The following NAV3 variants were observed in gnomAD, a reference collection of about 807,000 sequenced individuals.
NAV3 encodes the protein pore membrane and/or filament interacting like protein 1.
A neutral mutation model predicts 244.7 loss-of-function variants in NAV3; 87 were observed. That is an observed-to-expected ratio of 0.36 (90% CI 0.30 to 0.42). NAV3 has a LOEUF of 0.42. Among genes scored for constraint, NAV3 ranks in the 20% least tolerant of loss-of-function variants. The pLI, the probability that NAV3 is intolerant of heterozygous loss-of-function variation, is 1.00. For missense variants in NAV3, 2,663 were observed against 2,893.3 expected (o/e 0.92, Z 1.83); for synonymous variants, 1,126 against 1,042.2 (o/e 1.08, Z -1.55).
At position 78,128,941 on chromosome 12, in the gene NAV3, C is replaced by T; in HGVS notation, c.4441+75C>T. 2.2e-6 allele frequency: 3 copies of T among 1,354,100 alleles called. No individual in the cohort carries two copies. The South Asian group carries it at 4.0e-5, about 18-fold the overall frequency. 83.9% of individuals were successfully genotyped at this position (1,354,100 alleles called of 1,614,324 possible). A position where few individuals can be genotyped will look rare whatever the true frequency, so the allele number is the denominator to read the frequency against. ...TCTCACAGAAACCCTGGAATCTCTC[C>T]ATAACACAACACGTTTTCATTTAAA... On this transcript the variant is annotated intron_variant, in intron 18 of 39. Coordinates refer to ENST00000397909, the MANE Select transcript of NAV3 (RefSeq NM_001024383.2).
At chr12:77,963,890 C>T (rs1892266817) in intron 3 of NAV3, among the ~76,000 whole-genome samples, 1 of 21,922 alleles carries the variant, frequency 4.6e-5, no homozygotes, top group Non-Finnish European at 8.4e-5. Flanking sequence ...CTTCTCCTTC[C>T]TTCTCCTTCT....
At chr12:77,900,075 ATTTTTTT>A (rs201444499) in intron 1 of NAV3, among the ~76,000 whole-genome samples, 1 of 127,296 alleles carries the variant, frequency 7.9e-6, no homozygotes, top group African/African-American at 3.0e-5. Flanking sequence ...ATTGTTCTCA[ATTTTTTT>A]TTTTTTTTTT....
chr12:77,659,123 C>G (rs1420334961), intron 2 of NAV3, among the ~76,000 whole-genome samples: 1 of 151,686 alleles, frequency 6.6e-6, no homozygotes, highest in African/African-American at 2.4e-5. Flanking sequence ...TCTAATTAAA[C>G]TAAAGAGCTT....
At chr12:77,728,546 A>T (rs186557550) in intron 2 of NAV3, among the ~76,000 whole-genome samples, 55 of 152,084 alleles carry the variant, frequency 3.6e-4, no homozygotes, top group African/African-American at 1.3e-3. Flanking sequence ...AAAATGATAT[A>T]AAACACATCA....
At chr12:78,201,851 A>G (rs1959737111) in intron 38 of NAV3, among the ~76,000 whole-genome samples, 1 of 150,124 alleles carries the variant, frequency 6.7e-6, no homozygotes. Flanking sequence ...TTTGCTATCT[A>G]AAAAAATTGT....
At chr12:77,734,191 G>A (rs1023143464) in intron 2 of NAV3, among the ~76,000 whole-genome samples, 14 of 152,012 alleles carry the variant, frequency 9.2e-5, no homozygotes, top group South Asian at 2.1e-4. Context: ...GGTTGGTGCC[G>A]AAAATCTAGC....
At position 77,583,880 on chromosome 12, in the gene NAV3, G is replaced by C. The variant is rs1490531588; in HGVS notation, c.72+11614G>C. Among the ~76,000 whole-genome samples the C allele has an allele frequency of 3.9e-5, 6 of 152,122 alleles. No homozygotes were observed. In the East Asian group the frequency reaches 1.2e-3, roughly 29 times the overall value. ...TCTTTCTTCAATTCATTCTCTTCCAGACATATTGACAACCCATCTCTAAGT... is the reference window on the plus strand; with the variant it reads ...TCTTTCTTCAATTCATTCTCTTCCACACATATTGACAACCCATCTCTAAGT... On this transcript the variant is annotated intron_variant, in intron 2 of 8. Coordinates refer to the NAV3 transcript ENST00000550042.
rs1869214178 is a variant in NAV3 at position 77,979,758 on chromosome 12, G to T, written c.671+11056G>T. 2.1e-5 allele frequency among the ~76,000 whole-genome samples: 3 copies of T among 146,086 alleles called. No individual in the cohort carries two copies. In the South Asian group the frequency reaches 6.7e-4, roughly 32 times the overall value. On this transcript the variant is annotated intron_variant, in intron 5 of 39. Transcript: ENST00000397909. ...TCTTTCTGCTGTGTGGCAGGCTCTAGAACAACGCTCACCCATCAGAGATGT... is the reference window on the plus strand; with the variant it reads ...TCTTTCTGCTGTGTGGCAGGCTCTATAACAACGCTCACCCATCAGAGATGT...
chr12:77,899,836 G>A (rs1159657679), intron 1 of NAV3, among the ~76,000 whole-genome samples: 1 of 152,092 alleles, frequency 6.6e-6, no homozygotes, highest in African/African-American at 2.4e-5. Flanking sequence ...ATATCTATTA[G>A]TAATACATAT....
At position 77,707,722 on chromosome 12, in the gene NAV3, G is replaced by T. The variant is rs150533606; in HGVS notation, c.72+135456G>T. 8.6e-3 allele frequency among the ~76,000 whole-genome samples: 1,309 copies of T among 152,094 alleles called. 6 individuals are homozygous for T. The highest frequency in any genetic ancestry group is 0.017 in the Middle Eastern group (5 of 294). On this transcript the variant is annotated intron_variant, in intron 2 of 8. Transcript: ENST00000550042. ...AATTCTCCACATCCTCTCCAGCACC[G>T]GTTGTTTCCTGACTTTTTAATGATC...
intron 2 of NAV3, among the ~76,000 whole-genome samples, chr12:77,685,263 A>G (rs1874667086): frequency 6.6e-6 from 1 of 152,212 alleles, no homozygotes; most frequent in South Asian, 2.1e-4. Flanking sequence ...GGTGTGTAAC[A>G]TGCCACGAAA....
At chr12:77,814,695 A>C (rs566091403) in intron 2 of NAV3, among the ~76,000 whole-genome samples, 1 of 152,176 alleles carries the variant, frequency 6.6e-6, no homozygotes, top group East Asian at 1.9e-4. Context: ...CATCAGTGGC[A>C]CTCACCTGTG....
At chr12:78,144,555 G>A (rs1956770206) in intron 20 of NAV3, among the ~76,000 whole-genome samples, 1 of 152,034 alleles carries the variant, frequency 6.6e-6, no homozygotes, top group Non-Finnish European at 1.5e-5. Context: ...AAAGGTTAAA[G>A]CAAATAATAG....
At position 77,934,455 on chromosome 12, in the gene NAV3, G is replaced by C. The variant is rs537345734; in HGVS notation, c.244-5864G>C. ...ACTGTTGTGGTCAATGTTGTCCTTT[G>C]TGATTCCATTCTCAGGTCCAAATGC... is the stretch of plus-strand genomic sequence containing the variant. On this transcript the variant is annotated intron_variant, in intron 1 of 39. Transcript: ENST00000397909. Among the ~76,000 whole-genome samples, 13 of 140,718 alleles carry C rather than the reference G, an allele frequency of 9.2e-5. No individual in the cohort carries two copies. The South Asian group carries it at 2.5e-3, about 27-fold the overall frequency. The allele number at this position is 140,718 out of a possible 152,430, so 92.3% of individuals were successfully genotyped here.
chr12:77,775,961 A>G (rs905265076), intron 2 of NAV3: 4 of 152,196 alleles, frequency 2.6e-5, no homozygotes, highest in African/African-American at 9.6e-5. Flanking sequence ...AGAACATTTT[A>G]TCTTCCCAAG....
At chr12:77,929,014 C>T (rs1337695428) in intron 1 of NAV3, among the ~76,000 whole-genome samples, 2 of 152,142 alleles carry the variant, frequency 1.3e-5, no homozygotes, top group African/African-American at 4.8e-5. Flanking sequence ...AAAAGAAGTA[C>T]AGTAGCCTGC....
rs148388578 is a variant in NAV3 at position 78,187,913 on chromosome 12, G to A, written c.5791-335G>A. On this transcript the variant is annotated intron_variant, in intron 31 of 39. Coordinates refer to ENST00000397909, the MANE Select transcript of NAV3 (RefSeq NM_001024383.2). ...GCTTCTCTTTAAGAAAGTATGCACT[G>A]CATTATAATGCAAGAGTATTCTTTC... 3.0e-3 allele frequency among the ~76,000 whole-genome samples: 460 copies of A among 152,028 alleles called. 1 individual carries two copies. The highest frequency in any genetic ancestry group is 0.01 in the African/African-American group (432 of 41,536).
At chr12:78,208,585 A>G (rs1960573300) in intron 39 of NAV3, among the ~76,000 whole-genome samples, 1 of 152,208 alleles carries the variant, frequency 6.6e-6, no homozygotes, top group Non-Finnish European at 1.5e-5. Context: ...GGCAAAGGCA[A>G]AGTAAATCCC....
At chr12:77,734,587 C>A (rs1877260209) in intron 2 of NAV3, among the ~76,000 whole-genome samples, 1 of 152,128 alleles carries the variant, frequency 6.6e-6, no homozygotes, top group South Asian at 2.1e-4. Flanking sequence ...ACAGCCTGAG[C>A]AGATGATCTA....
Sources: gnomAD v4.1 joint callset for allele counts (sites outside exome capture counted in the v4.1 genomes callset) on GRCh38, gnomAD v4.1.1 for gene constraint, MANE v1.5 for transcripts, NCBI Gene and HGNC (gene_info 2026-07-23, HGNC 2026-07-21) for gene names.